DCBLD2: variants seen among roughly 807,000 people sequenced by gnomAD.
DCBLD2 encodes the protein discoidin, CUB and LCCL domain containing 2.
A neutral mutation model predicts 86.8 loss-of-function variants in DCBLD2; 54 were observed. The observed-to-expected ratio is 0.62, with a 90% CI of 0.50 to 0.78. The LOEUF (loss-of-function observed/expected upper bound fraction) is 0.78. Among genes scored for constraint, DCBLD2 ranks in the 30% least tolerant of loss-of-function variants. DCBLD2 has a pLI of 0.00. For synonymous variants in DCBLD2, 354 were observed against 341.3 expected, an observed-to-expected ratio of 1.04 and a Z score of -0.41; for missense variants, 908 against 954.2, an observed-to-expected ratio of 0.95 and a Z score of 0.64.
In DCBLD2 at chr3:98,808,309, A is replaced by G. The variant is rs968895183; in HGVS notation, c.1577-135T>C. The G allele has an allele frequency of 1.7e-5, 12 of 725,672 alleles. No homozygotes were observed. The Middle Eastern group carries it at 2.9e-3, about 178-fold the overall frequency. 45.0% of individuals were successfully genotyped at this position (725,672 alleles called of 1,614,324 possible). ...GAAATACCATAAACATTATTTGTCA[A>G]GACTGGGCATGTGGTGGTAACTGTA... On this transcript the variant is annotated intron_variant, in intron 12 of 15. Coordinates refer to ENST00000326840, the MANE Select transcript of DCBLD2 (RefSeq NM_080927.4).
At chr3:98,888,566 C>G (rs1373466068) in intron 1 of DCBLD2, among the ~76,000 whole-genome samples, 2 of 152,100 alleles carry the variant, frequency 1.3e-5, no homozygotes, top group East Asian at 1.9e-4. Flanking sequence ...ACGAAAACAA[C>G]TGGTGTCAAG....
intron 3 of DCBLD2, among the ~76,000 whole-genome samples, chr3:98,828,111 T>C (rs1476216329): frequency 4.6e-5 from 7 of 152,054 alleles, no homozygotes; most frequent in Non-Finnish European, 8.8e-5. Context: ...TATAAAACTT[T>C]TAGAAAAAAA....
chr3:98,852,288 C>G (rs567863607), intron 2 of DCBLD2, among the ~76,000 whole-genome samples: 84 of 150,818 alleles, frequency 5.6e-4, no homozygotes, highest in African/African-American at 1.8e-3. Flanking sequence ...GCTCTGTCAC[C>G]CAGGCTGGAG....
intron 3 of DCBLD2, among the ~76,000 whole-genome samples, chr3:98,846,517 G>C (rs1942726599): frequency 6.6e-6 from 1 of 152,182 alleles, no homozygotes; most frequent in South Asian, 2.1e-4. Flanking sequence ...CTTGAATATA[G>C]TTCAGGCAAT....
intron 2 of DCBLD2, among the ~76,000 whole-genome samples, chr3:98,874,494 T>C (rs749023376): frequency 6.6e-6 from 1 of 152,138 alleles, no homozygotes; most frequent in Admixed American, 6.6e-5. Flanking sequence ...ATTACCTCCA[T>C]AGATGCTAAA....
At chr3:98,812,516 A>G (rs1463354013) in intron 9 of DCBLD2, 34 bp from the exon 10 acceptor site, 1 of 1,587,684 alleles carries the variant, frequency 6.3e-7, no homozygotes, top group African/African-American at 1.3e-5. Flanking sequence ...GGTACTTCAA[A>G]TCAATAGAGG....
At chr3:98,800,954 C>T (rs917072130) in intron 14 of DCBLD2, among the ~76,000 whole-genome samples, 3 of 150,882 alleles carry the variant, frequency 2.0e-5, no homozygotes, top group Non-Finnish European at 2.9e-5. Context: ...TAGTATAGTA[C>T]AGCCAGATAC....
chr3:98,799,716 C>T lies in DCBLD2; in HGVS notation c.1984G>A (p.Val662Ile). 6.2e-7 allele frequency: 1 copy of T among 1,614,022 alleles called. No homozygotes were observed. Among genetic ancestry groups the T allele is most frequent in the African/African-American group, 1.3e-5 (1 of 75,050 alleles). The change falls in exon 16 of 16, where the codon GTT becomes ATT. Residue 662 changes from valine to isoleucine, a missense_variant. Coordinates refer to ENST00000326840, the MANE Select transcript of DCBLD2 (RefSeq NM_080927.4). ...AGTGGTTCAGCATAGGCATGATAAACTTCCTGCCCTGGTGAGTTGTAAGGA... is the reference window on the plus strand; with the variant it reads ...AGTGGTTCAGCATAGGCATGATAAATTTCCTGCCCTGGTGAGTTGTAAGGA... ...LDPYNSPGQE[V>I]YHAYAEPLPI...
At chr3:98,824,308 A>G (rs1024466067) in intron 4 of DCBLD2, among the ~76,000 whole-genome samples, 3 of 125,624 alleles carry the variant, frequency 2.4e-5, no homozygotes, top group Non-Finnish European at 3.6e-5. Flanking sequence ...CTGGGACACC[A>G]TTAGGCAATA....
chr3:98,883,192 CAT>C (rs34189825), intron 1 of DCBLD2, among the ~76,000 whole-genome samples: 6,681 of 152,052 alleles, frequency 0.044, 229 homozygotes, highest in Non-Finnish European at 0.07. Context: ...GCATTTTTTT[CAT>C]ATGTTTGTTG....
At chr3:98,853,337 AG>A (rs1942874171) in intron 2 of DCBLD2, among the ~76,000 whole-genome samples, 1 of 147,064 alleles carries the variant, frequency 6.8e-6, no homozygotes, top group Non-Finnish European at 1.5e-5. Context: ...AAGGAAAAAA[AG>A]GAAATCTAGG....
intron 8 of DCBLD2, 43 bp downstream of exon 8, chr3:98,819,159 A>G: frequency 6.6e-7 from 1 of 1,507,810 alleles, no homozygotes. Context: ...TTTCAAATAA[A>G]ATAAGTGTTA....
intron 3 of DCBLD2, among the ~76,000 whole-genome samples, chr3:98,839,136 CTTCCTTCCTTCT>C (rs1225716247): frequency 1.1e-3 from 33 of 30,284 alleles, no homozygotes; most frequent in South Asian, 5.1e-3. Flanking sequence ...TCTTTCCTTC[CTTCCTTCCTTCT>C]TTCTTTCTTT....
At chr3:98,805,476 A>G (rs1477615785) in intron 13 of DCBLD2, among the ~76,000 whole-genome samples, 1 of 152,242 alleles carries the variant, frequency 6.6e-6, no homozygotes, top group African/African-American at 2.4e-5. Context: ...AAAGGATTTT[A>G]TACACATAAG....
rs1232938839 is a variant in DCBLD2, at chr3:98,822,339, C to T, written c.719G>A (p.Gly240Asp). 1 of 1,613,938 alleles carries T rather than the reference C, an allele frequency of 6.2e-7. No individual in the cohort carries two copies. Among genetic ancestry groups the T allele is most frequent in the Admixed American group, 1.7e-5 (1 of 60,012 alleles). ...YRDSSPLCMA[G>D]VHAGVVSNTL... ...GTTTGACACTACTCCTGCATGCACA[C>T]CAGCCATGCACAATGGCGAGGACTT... Residue 240 changes from glycine to aspartate, a missense_variant, in exon 6 of 16, where the codon GGT becomes GAT. Gly to Asp is a moderately conservative substitution (Grantham distance 94). Around this residue, in one of 3 missense-constraint regions of DCBLD2, gnomAD observed 606 missense variants for 678.5 expected, o/e 0.89. Coordinates refer to ENST00000326840, the MANE Select transcript of DCBLD2 (RefSeq NM_080927.4).
intron 1 of DCBLD2, among the ~76,000 whole-genome samples, chr3:98,897,326 G>A (rs142705719): frequency 6.6e-6 from 1 of 152,242 alleles, no homozygotes; most frequent in African/African-American, 2.4e-5. Flanking sequence ...TCACACGTGT[G>A]GATTGTGTGC....
At chr3:98,861,974 G>C (rs1943052930) in intron 2 of DCBLD2, among the ~76,000 whole-genome samples, 1 of 152,010 alleles carries the variant, frequency 6.6e-6, no homozygotes, top group Non-Finnish European at 1.5e-5. Flanking sequence ...TTGATAGATT[G>C]CTAGCAAGAC....
chr3:98,839,433 A>C (rs1398215507), intron 3 of DCBLD2, among the ~76,000 whole-genome samples: 1 of 152,066 alleles, frequency 6.6e-6, no homozygotes, highest in Admixed American at 6.6e-5. Context: ...CACCTTGGCC[A>C]ACCCCCCTGA....
rs1402700511 is a variant in DCBLD2 at position 98,796,283 on chromosome 3, C to T, written c.*3089G>A. On this transcript the variant is annotated 3_prime_UTR_variant, in exon 16 of 16. Coordinates refer to ENST00000326840, the MANE Select transcript of DCBLD2 (RefSeq NM_080927.4). Reference sequence around the variant, plus strand: ...AAAACAAAACAAAAAAAAACAGTCACAAGTTGGATTACATTAGAATTGGTG... The same window carrying T: ...AAAACAAAACAAAAAAAAACAGTCATAAGTTGGATTACATTAGAATTGGTG... The T allele has an allele frequency of 6.6e-6, 1 of 152,300 alleles. No individual in the cohort carries two copies. Among genetic ancestry groups the T allele is most frequent in the African/African-American group, 2.4e-5 (1 of 41,392 alleles). 9.4% of individuals were successfully genotyped at this position (152,300 alleles called of 1,614,324 possible).
Sources: gnomAD v4.1 joint callset for allele counts (sites outside exome capture counted in the v4.1 genomes callset) on GRCh38, gnomAD v4.1.1 for gene constraint, gnomAD v4.1.1 regional missense constraint, MANE v1.5 for transcripts, NCBI Gene and HGNC (gene_info 2026-07-23, HGNC 2026-07-21) for gene names.